Variants in MPDZ observed in about 807,000 individuals in gnomAD.
MPDZ encodes the protein multiple PDZ domain protein.
MPDZ carries 234 observed loss-of-function variants against 239.1 expected under a neutral mutation model. The observed-to-expected ratio is 0.98, with a 90% CI of 0.88 to 1.09. MPDZ has a LOEUF of 1.09. Among genes scored for constraint, MPDZ ranks in the 50% least tolerant of loss-of-function variants. MPDZ has a pLI of 0.00. For synonymous variants in MPDZ, 1,048 were observed against 881.3 expected, an observed-to-expected ratio of 1.19 and a Z score of -3.35; for missense variants, 3,175 against 2,510.0, an observed-to-expected ratio of 1.26 and a Z score of -5.66.
At position 13,114,655 on chromosome 9, in the gene MPDZ, A is replaced by G. The variant is rs539657337; in HGVS notation, c.5466+593T>C. Reference sequence around the variant, plus strand: ...GGTGGCTCATGCCTGTAATCCCAACACTTTGGGAGGCTGAGGCGGGTGGAT... The same window carrying G: ...GGTGGCTCATGCCTGTAATCCCAACGCTTTGGGAGGCTGAGGCGGGTGGAT... On this transcript the variant is annotated intron_variant, in intron 40 of 46. Coordinates refer to ENST00000319217, the MANE Select transcript of MPDZ (RefSeq NM_001378778.1). 2.0e-5 allele frequency among the ~76,000 whole-genome samples: 3 copies of G among 152,214 alleles called. No homozygotes were observed. In the East Asian group the frequency reaches 5.8e-4, roughly 29 times the overall value.
chr9:13,241,018 C>T (rs918434383), intron 3 of MPDZ, among the ~76,000 whole-genome samples: 2 of 152,080 alleles, frequency 1.3e-5, no homozygotes, highest in Non-Finnish European at 2.9e-5. Flanking sequence ...CATTTTAATC[C>T]AGCACTGTAT....
intron 3 of MPDZ, among the ~76,000 whole-genome samples, chr9:13,230,945 C>G (rs766813718): frequency 6.6e-6 from 1 of 151,556 alleles, no homozygotes; most frequent in African/African-American, 2.4e-5. Context: ...GCTAAGCATC[C>G]GAATCAAAAA....
In MPDZ at chr9:13,109,990, A is replaced by G; in HGVS notation, c.5904T>C (p.Thr1968=). The change falls in exon 45 of 47, where the codon ACT becomes ACC. Residue 1968 remains threonine, a synonymous_variant. Coordinates refer to ENST00000319217, the MANE Select transcript of MPDZ (RefSeq NM_001378778.1). The part of the protein sequence containing the change: ...QEPASSSLSF[T]GLTSSSIFQD... ...GAAATATACTGCTTGACGTCAGCCC[A>G]GTGAAAGAAAGACTGGAACTTGCAG... is the stretch of plus-strand genomic sequence containing the variant. The G allele has an allele frequency of 6.2e-7, 1 of 1,613,382 alleles. No individual in the cohort carries two copies. Among genetic ancestry groups the G allele is most frequent in the Non-Finnish European group, 8.5e-7 (1 of 1,179,708 alleles).
At chr9:13,193,045 G>T in intron 14 of MPDZ, 122 bp downstream of exon 14, 2 of 954,394 alleles carry the variant, frequency 2.1e-6, no homozygotes, top group South Asian at 4.5e-5. Flanking sequence ...TTTATCTGTA[G>T]ATTTCTCTCA....
At chr9:13,219,299 A>G (rs766241523) in intron 8 of MPDZ, among the ~76,000 whole-genome samples, 57 of 151,982 alleles carry the variant, frequency 3.8e-4, no homozygotes, top group Non-Finnish European at 6.3e-4. Context: ...ACTTTAAAAC[A>G]TTATCCTCAT....
intron 21 of MPDZ, among the ~76,000 whole-genome samples, chr9:13,170,262 T>C (rs1951617660): frequency 6.6e-6 from 1 of 152,186 alleles, no homozygotes; most frequent in South Asian, 2.1e-4. Context: ...TTAGATATGA[T>C]ATTTCAAACA....
chr9:13,243,640 T>C (rs988868370), intron 3 of MPDZ, among the ~76,000 whole-genome samples: 11 of 152,230 alleles, frequency 7.2e-5, no homozygotes, highest in Non-Finnish European at 1.5e-4. Context: ...AAGATCTAAT[T>C]ACTCTAATCA....
At position 13,260,062 on chromosome 9, in the gene MPDZ, G is replaced by A. The variant is rs191004338; in HGVS notation, c.-57-9690C>T. 5.0e-3 allele frequency among the ~76,000 whole-genome samples: 750 copies of A among 151,452 alleles called. 11 individuals are homozygous for A. Among genetic ancestry groups the A allele is most frequent in the African/African-American group, 0.017 (701 of 41,232 alleles). On this transcript the variant is annotated intron_variant, in intron 1 of 46. Coordinates refer to ENST00000319217, the MANE Select transcript of MPDZ (RefSeq NM_001378778.1). ...TTGCCATGTTGGTCAGGCTGGTCTT[G>A]AACTCCTGACCTCAAGTGATCCACC...
intron 41 of MPDZ, 140 bp from the exon 42 acceptor site, chr9:13,113,194 C>G: frequency 1.5e-6 from 1 of 666,052 alleles, no homozygotes; most frequent in Non-Finnish European, 2.6e-6. Flanking sequence ...TGCTAGTACA[C>G]ATGATTAGAT....
At chr9:13,155,769 T>G (rs1949741044) in intron 24 of MPDZ, among the ~76,000 whole-genome samples, 1 of 152,208 alleles carries the variant, frequency 6.6e-6, no homozygotes, top group South Asian at 2.1e-4. Context: ...CACTAACTCC[T>G]AATTTATTAA....
chr9:13,263,848 T>C (rs527350847), intron 1 of MPDZ, among the ~76,000 whole-genome samples: 1 of 152,336 alleles, frequency 6.6e-6, no homozygotes, highest in East Asian at 1.9e-4. Flanking sequence ...AAATAAAACT[T>C]ATATATCTTC....
intron 15 of MPDZ, among the ~76,000 whole-genome samples, chr9:13,190,788 T>C (rs1954807819): frequency 6.6e-6 from 1 of 152,160 alleles, no homozygotes; most frequent in South Asian, 2.1e-4. Flanking sequence ...ACATACACAG[T>C]GGCAAAACAT....
Position 13,190,307 on chromosome 9 carries a change from A to G in MPDZ, c.1969-8T>C, listed in dbSNP as rs769178452. ...ACCTAGATCTACGTGAGGCTGGATAATATCAGACAGCTCTTATTTCAGAGG... is the reference window on the plus strand; with the variant it reads ...ACCTAGATCTACGTGAGGCTGGATAGTATCAGACAGCTCTTATTTCAGAGG... On this transcript the variant is annotated splice_polypyrimidine_tract_variant and splice_region_variant and intron_variant, in intron 15 of 46. Coordinates refer to ENST00000319217, the MANE Select transcript of MPDZ (RefSeq NM_001378778.1). 5 of 1,528,612 alleles carry G rather than the reference A, an allele frequency of 3.3e-6. No individual in the cohort carries two copies. In the South Asian group the frequency reaches 5.4e-5, roughly 16 times the overall value. 94.7% of individuals were successfully genotyped at this position (1,528,612 alleles called of 1,614,324 possible). A position where few individuals can be genotyped will look rare whatever the true frequency, so the allele number is the denominator to read the frequency against.
chr9:13,219,829 T>C lies in MPDZ; in HGVS notation c.877-61A>G, dbSNP rs113860969. 6.4e-5 allele frequency: 96 copies of C among 1,503,030 alleles called. No homozygotes were observed. In the African/African-American group the frequency reaches 1.0e-3, roughly 16 times the overall value. 93.1% of individuals were successfully genotyped at this position (1,503,030 alleles called of 1,614,324 possible). On this transcript the variant is annotated intron_variant, in intron 7 of 46. Transcript: ENST00000319217. ...TATTTTAACTGCAACAGATAAATCCTAAATGAGAAGGGATTAATTTTAGAA... is the reference window on the plus strand; with the variant it reads ...TATTTTAACTGCAACAGATAAATCCCAAATGAGAAGGGATTAATTTTAGAA...
chr9:13,205,916 C>G lies in MPDZ; in HGVS notation c.1474G>C (p.Glu492Gln), dbSNP rs1452392043. 6.3e-7 allele frequency: 1 copy of G among 1,582,726 alleles called. No individual in the cohort carries two copies. Among genetic ancestry groups the G allele is most frequent in the Non-Finnish European group, 8.6e-7 (1 of 1,165,502 alleles). ...LSPVNASIIK[E>Q]NYEKDEDFLS... ...AAAAACCAGATTAACATAGGATTACCTTTGATTATGCTGGCATTAACAGGA... is the reference window on the plus strand; with the variant it reads ...AAAAACCAGATTAACATAGGATTACGTTTGATTATGCTGGCATTAACAGGA... The change falls in exon 11 of 47, where the codon GAA becomes CAA. Residue 492 changes from glutamate (E) to glutamine (Q), a missense_variant and splice_region_variant. Coordinates refer to ENST00000319217, the MANE Select transcript of MPDZ (RefSeq NM_001378778.1).
chr9:13,179,157 T>C (rs1952933878), intron 19 of MPDZ, among the ~76,000 whole-genome samples: 1 of 152,112 alleles, frequency 6.6e-6, no homozygotes, highest in Admixed American at 6.6e-5. Flanking sequence ...TTAACATCTG[T>C]AGTATCTTCA....
At chr9:13,279,169 G>C (rs1470323652) in intron 1 of MPDZ, 1 of 150,336 alleles carries the variant, frequency 6.7e-6, no homozygotes. Flanking sequence ...AAAAGCCACA[G>C]CAGCGGCTTC....
At chr9:13,142,182 CATTTT>C (rs528986232) in intron 27 of MPDZ, among the ~76,000 whole-genome samples, 138 of 152,152 alleles carry the variant, frequency 9.1e-4, no homozygotes, top group South Asian at 3.7e-3. Flanking sequence ...CTATAGATGA[CATTTT>C]ATACATCTTG....
intron 21 of MPDZ, among the ~76,000 whole-genome samples, chr9:13,173,341 T>C (rs1162110687): frequency 2.6e-5 from 4 of 151,942 alleles, no homozygotes; most frequent in Non-Finnish European, 5.9e-5. Context: ...AATAAGAAAA[T>C]CCATATAATC....
Sources: gnomAD v4.1 joint callset for allele counts (sites outside exome capture counted in the v4.1 genomes callset) on GRCh38, gnomAD v4.1.1 for gene constraint, MANE v1.5 for transcripts, NCBI Gene and HGNC (gene_info 2026-07-23, HGNC 2026-07-21) for gene names.